Variants in UGT1A9 observed in about 807,000 individuals in gnomAD.
The protein encoded by UGT1A9 is UDP-glucuronosyltransferase 1A9.
In UGT1A9, 35 loss-of-function variants were observed where a neutral mutation model predicts 45.0. The ratio of observed to expected loss-of-function variants is 0.78; its 90% CI spans 0.59 to 1.03. The LOEUF (loss-of-function observed/expected upper bound fraction) is 1.03, where lower values mean the gene tolerates loss of function less well. Among genes scored for constraint, UGT1A9 ranks in the 50% least tolerant of loss-of-function variants. The pLI is 0.00. For missense variants in UGT1A9, 687 were observed against 666.6 expected (o/e 1.03, Z -0.34); for synonymous variants, 278 against 250.6 (o/e 1.11, Z -1.03).
rs373933295 is a variant in UGT1A9, at chr2:233,672,501, T to C, written c.567T>C (p.Tyr189=). The change falls in exon 1 of 5, where the codon TAT becomes TAC. Residue 189 remains tyrosine (Y), a synonymous_variant. Coordinates refer to ENST00000354728, the MANE Select transcript of UGT1A9 (RefSeq NM_021027.3). The part of the protein sequence containing the change: ...EGAQCPAPLS[Y]VPRILLGFSD... ...CACAGTGCCCTGCTCCTCTTTCCTA[T>C]GTCCCCAGAATTCTCTTAGGGTTCT... 3.0e-5 allele frequency: 49 copies of C among 1,613,992 alleles called. No homozygotes were observed. The highest frequency in any genetic ancestry group is 4.2e-5 in the Non-Finnish European group (49 of 1,179,850).
chr2:233,761,974 C>T (rs914774281), intron 1 of UGT1A9, among the ~76,000 whole-genome samples: 3 of 152,214 alleles, frequency 2.0e-5, no homozygotes, highest in African/African-American at 7.2e-5. Context: ...CTGATATCAC[C>T]TTCGGAGGTG....
At chr2:233,687,689 G>A (rs1159780440) in intron 1 of UGT1A9, among the ~76,000 whole-genome samples, 1 of 151,460 alleles carries the variant, frequency 6.6e-6, no homozygotes, top group African/African-American at 2.4e-5. Context: ...GATCACTTAA[G>A]CCCAGGAGTT....
At chr2:233,743,661 G>C in intron 1 of UGT1A9, 1 of 1,367,236 alleles carries the variant, frequency 7.3e-7, no homozygotes, top group Non-Finnish European at 9.8e-7. Flanking sequence ...TACTCGAAGG[G>C]GTCCTCGAAG....
Position 233,768,419 on chromosome 2 carries a change from A to G in UGT1A9, c.1275A>G (p.Lys425=), listed in dbSNP as rs766292651. ...CTGAAGATTTAGAAAATGCTCTAAA[A>G]GCAGTCATCAATGACAAAAGGTAAG... The part of the protein sequence containing the change: ...MTSEDLENAL[K]AVINDKSYKE... Residue 425 remains lysine (K), a synonymous_variant, in exon 4 of 5, where the codon AAA becomes AAG. Transcript: ENST00000354728. 1 of 1,614,170 alleles carries G rather than the reference A, an allele frequency of 6.2e-7. No individual in the cohort carries two copies. Among genetic ancestry groups the G allele is most frequent in the Non-Finnish European group, 8.5e-7 (1 of 1,180,020 alleles).
At chr2:233,725,264 G>GGCAGAGGCAGAGGCAGAGGCAGAGGCA (rs1216362118) in intron 1 of UGT1A9, among the ~76,000 whole-genome samples, 1 of 58,548 alleles carries the variant, frequency 1.7e-5, no homozygotes, top group African/African-American at 1.3e-4. Flanking sequence ...CAGAGGCAGA[G>GGCAGAGGCAGAGGCAGAGGCAGAGGCA]GAGGCAGAGG....
intron 1 of UGT1A9, chr2:233,761,044 G>A: frequency 1.9e-6 from 3 of 1,614,190 alleles, no homozygotes; most frequent in Non-Finnish European, 2.5e-6. Context: ...CTCTGCATCT[G>A]TCTGGCTGTT....
At chr2:233,728,351 G>A (rs1396406554) in intron 1 of UGT1A9, among the ~76,000 whole-genome samples, 1 of 152,180 alleles carries the variant, frequency 6.6e-6, no homozygotes, top group East Asian at 1.9e-4. Context: ...TGGTGAGCAG[G>A]AGCTCCCTGA....
Position 233,688,853 on chromosome 2 carries a change from C to A in UGT1A9, c.855+16064C>A, listed in dbSNP as rs140817326. Among the ~76,000 whole-genome samples the A allele has an allele frequency of 5.9e-3, 898 of 152,136 alleles. 8 individuals carry two copies. The highest frequency in any genetic ancestry group is 9.7e-3 in the Non-Finnish European group (660 of 67,998). ...AGAAAAGGATGTAAAGAGAGCTGAT[C>A]ATAGGGGGCCTTGCAGGATAAGGAG... On this transcript the variant is annotated intron_variant, in intron 1 of 4. Transcript: ENST00000354728.
intron 1 of UGT1A9, chr2:233,743,836 C>T (rs62191918): frequency 0.07 from 95,512 of 1,367,130 alleles, 4,650 homozygotes; most frequent in East Asian, 0.2. Context: ...GCCACTTGAG[C>T]GCCAGCTTGC....
At chr2:233,717,042 C>A (rs1248182808) in intron 1 of UGT1A9, among the ~76,000 whole-genome samples, 1 of 152,282 alleles carries the variant, frequency 6.6e-6, no homozygotes, top group South Asian at 2.1e-4. Context: ...GATACATGGG[C>A]CTCCGCAGGG....
At chr2:233,771,815 C>T in intron 4 of UGT1A9, among the ~76,000 whole-genome samples, 1 of 135,588 alleles carries the variant, frequency 7.4e-6, no homozygotes, top group Admixed American at 7.6e-5. Flanking sequence ...TTCCTCCTTT[C>T]CTTGCTTCCT....
At chr2:233,706,071 G>A (rs901833161) in intron 1 of UGT1A9, among the ~76,000 whole-genome samples, 11 of 152,040 alleles carry the variant, frequency 7.2e-5, no homozygotes, top group Non-Finnish European at 1.6e-4. Flanking sequence ...TGCCAGCCTG[G>A]GTGACAGAGC....
At chr2:233,724,741 C>T (rs1331801697) in intron 1 of UGT1A9, among the ~76,000 whole-genome samples, 1 of 144,478 alleles carries the variant, frequency 6.9e-6, no homozygotes, top group Non-Finnish European at 1.5e-5. Context: ...AGGGGCTCCT[C>T]ACATCCCAGA....
chr2:233,706,305 G>A (rs916306818), intron 1 of UGT1A9, among the ~76,000 whole-genome samples: 1 of 152,206 alleles, frequency 6.6e-6, no homozygotes, highest in African/African-American at 2.4e-5. Context: ...GTACTATGTA[G>A]ATAGTGCCTT....
intron 1 of UGT1A9, among the ~76,000 whole-genome samples, chr2:233,745,604 G>A (rs908621602): frequency 6.6e-6 from 1 of 151,572 alleles, no homozygotes; most frequent in African/African-American, 2.4e-5. Flanking sequence ...TTGGCACTTG[G>A]TAAGCACACA....
At chr2:233,758,427 T>A (rs1366242338) in intron 1 of UGT1A9, among the ~76,000 whole-genome samples, 1 of 152,228 alleles carries the variant, frequency 6.6e-6, no homozygotes, top group African/African-American at 2.4e-5. Flanking sequence ...GCAAATGAAC[T>A]CACACAGCAT....
intron 1 of UGT1A9, among the ~76,000 whole-genome samples, chr2:233,761,431 T>C (rs1333766106): frequency 6.6e-6 from 1 of 152,234 alleles, no homozygotes; most frequent in Non-Finnish European, 1.5e-5. Context: ...TTAAATGCCA[T>C]AGGCACAGAA....
At chr2:233,710,529 T>A (rs1407208891) in intron 1 of UGT1A9, among the ~76,000 whole-genome samples, 1 of 152,266 alleles carries the variant, frequency 6.6e-6, no homozygotes, top group Admixed American at 6.5e-5. Flanking sequence ...AATCTTTTCA[T>A]GTGCTTATTG....
At chr2:233,684,999 GTGT>G (rs1465580748) in intron 1 of UGT1A9, among the ~76,000 whole-genome samples, 3 of 152,102 alleles carry the variant, frequency 2.0e-5, no homozygotes, top group African/African-American at 7.2e-5. Flanking sequence ...TGTGTATGTG[GTGT>G]TTGTGCACGT....
Sources: gnomAD v4.1 joint callset for allele counts (sites outside exome capture counted in the v4.1 genomes callset) on GRCh38, gnomAD v4.1.1 for gene constraint, MANE v1.5 for transcripts, NCBI Gene and HGNC (gene_info 2026-07-23, HGNC 2026-07-21) for gene names.